Variants in FOXN1 observed in about 807,000 individuals in gnomAD.
FOXN1 encodes the protein forkhead box protein N1.
FOXN1 carries 15 observed loss-of-function variants against 49.0 expected under a neutral mutation model. The ratio of observed to expected loss-of-function variants is 0.31; its 90% CI spans 0.20 to 0.47. The LOEUF (loss-of-function observed/expected upper bound fraction) is 0.47. Among genes scored for constraint, FOXN1 ranks in the 20% least tolerant of loss-of-function variants. The probability of loss-of-function intolerance (pLI) is 1.00; values close to 1 mark genes in which losing one functional copy is unlikely to be tolerated. For synonymous variants in FOXN1, 356 were observed against 369.0 expected, an observed-to-expected ratio of 0.96 and a Z score of 0.40; for missense variants, 800 against 842.8, an observed-to-expected ratio of 0.95 and a Z score of 0.63.
chr17:28,516,751 A>T (rs2069514131), intron 1 of FOXN1, among the ~76,000 whole-genome samples: 3 of 140,052 alleles, frequency 2.1e-5, no homozygotes, highest in East Asian at 2.2e-4. Flanking sequence ...ACACTTCCAC[A>T]GGGTACACAC....
At chr17:28,510,633 C>T (rs2069376270) in intron 1 of FOXN1, among the ~76,000 whole-genome samples, 1 of 151,222 alleles carries the variant, frequency 6.6e-6, no homozygotes, top group South Asian at 2.1e-4. Context: ...ATCAGAAAAC[C>T]CAATTATCAG....
intron 8 of FOXN1, among the ~76,000 whole-genome samples, chr17:28,536,537 A>G (rs2070068294): frequency 6.6e-6 from 1 of 152,158 alleles, no homozygotes; most frequent in South Asian, 2.1e-4. Flanking sequence ...CTCTCTCTCC[A>G]GAGCTTGCAG....
intron 1 of FOXN1, among the ~76,000 whole-genome samples, chr17:28,506,686 G>C (rs782543410): frequency 4.1e-4 from 62 of 152,112 alleles, no homozygotes; most frequent in Non-Finnish European, 2.1e-4. Flanking sequence ...GCTGTGGTGT[G>C]GGTCTCATTC....
chr17:28,534,638 G>A lies in FOXN1; in HGVS notation c.1136-69G>A. ...AGAATGAGGCAAGGCCCCGAGTAAG[G>A]GTTCCAGTCTGGGGAAGACTGTGGA... On this transcript the variant is annotated intron_variant, in intron 7 of 8. Transcript: ENST00000579795. The surrounding 1 kb of genome is among the most constrained non-coding windows in gnomAD (Gnocchi z 4.1). 6.2e-7 allele frequency: 1 copy of A among 1,609,108 alleles called. No homozygotes were observed. The highest frequency in any genetic ancestry group is 8.5e-7 in the Non-Finnish European group (1 of 1,177,662).
At chr17:28,532,538 CG>C (rs2069938208) in intron 6 of FOXN1, among the ~76,000 whole-genome samples, 1 of 152,206 alleles carries the variant, frequency 6.6e-6, no homozygotes, top group Non-Finnish European at 1.5e-5. Context: ...GGGTCAGATC[CG>C]TTGGCACATA....
Position 28,537,296 on chromosome 17 carries a change from G to T in FOXN1, c.1807G>T (p.Gly603Cys). Residue 603 changes from glycine to cysteine, a missense_variant, in exon 9 of 9, where the codon GGT (glycine) becomes TGT (cysteine). This residue lies in a region of FOXN1 where 344 missense variants were observed against 366.1 expected (regional missense o/e 0.94). Transcript: ENST00000579795. ...GAGDLAAPGS[G>C]GSGALGDLHL... ...AGGTGACTTGGCAGCCCCGGGCAGTGGTGGCTCCGGGGCACTGGGTGACCT... is the reference window on the plus strand; with the variant it reads ...AGGTGACTTGGCAGCCCCGGGCAGTTGTGGCTCCGGGGCACTGGGTGACCT... The T allele has an allele frequency of 2.5e-6, 4 of 1,613,866 alleles. No homozygotes were observed. Among genetic ancestry groups the T allele is most frequent in the Non-Finnish European group, 3.4e-6 (4 of 1,179,916 alleles).
intron 1 of FOXN1, among the ~76,000 whole-genome samples, chr17:28,512,411 C>G (rs1311818824): frequency 6.6e-6 from 1 of 152,210 alleles, no homozygotes; most frequent in Non-Finnish European, 1.5e-5. Flanking sequence ...CTGAGTGGTT[C>G]TAGGCCACCT....
At chr17:28,517,451 CAGGGTACACACCTCCAT>C (rs1427549531) in intron 1 of FOXN1, among the ~76,000 whole-genome samples, 6 of 150,938 alleles carry the variant, frequency 4.0e-5, no homozygotes, top group Non-Finnish European at 5.9e-5. Flanking sequence ...CACACCTCCA[CAGGGTACACACCTCCAT>C]AGGGTACACA....
At chr17:28,521,120 G>A (rs1039762212) in intron 1 of FOXN1, among the ~76,000 whole-genome samples, 5 of 152,234 alleles carry the variant, frequency 3.3e-5, no homozygotes, top group Non-Finnish European at 7.3e-5. Flanking sequence ...CTGCGAGGTG[G>A]GTCTGTGTGC....
intron 8 of FOXN1, 120 bp downstream of exon 8, chr17:28,535,318 T>A: frequency 9.0e-7 from 1 of 1,105,696 alleles, no homozygotes. Context: ...TCTGGTCAAC[T>A]GAAGCAGAGG....
intron 2 of FOXN1, 109 bp from the exon 3 acceptor site, chr17:28,524,394 C>T: frequency 9.9e-7 from 1 of 1,010,596 alleles, no homozygotes; most frequent in African/African-American, 1.6e-5. Context: ...AGGGTCTTCC[C>T]AGAGCTCAGC....
chr17:28,532,248 G>A (rs2069933239), intron 6 of FOXN1, among the ~76,000 whole-genome samples: 1 of 152,218 alleles, frequency 6.6e-6, no homozygotes, highest in Non-Finnish European at 1.5e-5. Flanking sequence ...TGGGGCTGAG[G>A]AGTGAAGAGG....
intron 1 of FOXN1, among the ~76,000 whole-genome samples, chr17:28,523,611 A>G (rs967331096): frequency 3.9e-5 from 6 of 152,170 alleles, no homozygotes; most frequent in Admixed American, 1.3e-4. Context: ...AGCCAGAGGC[A>G]GAGCCCAGCT....
intron 1 of FOXN1, among the ~76,000 whole-genome samples, chr17:28,511,358 C>A (rs1390367450): frequency 6.6e-6 from 1 of 152,140 alleles, no homozygotes; most frequent in Admixed American, 6.5e-5. Flanking sequence ...ATGTGAGAGG[C>A]CCCTGGCCCA....
chr17:28,521,875 C>T (rs1019844747), intron 1 of FOXN1, among the ~76,000 whole-genome samples: 9 of 152,360 alleles, frequency 5.9e-5, no homozygotes, highest in African/African-American at 1.4e-4. Context: ...GCCAATGAGG[C>T]CACCTCTCCC....
rs147509086 is a variant in FOXN1 at position 28,538,492 on chromosome 17, T to TA, written c.*1057dup. The TA allele has an allele frequency of 1.3e-5, 2 of 152,240 alleles. No individual in the cohort carries two copies. Among genetic ancestry groups the TA allele is most frequent in the African/African-American group, 4.8e-5 (2 of 41,458 alleles). The allele number at this position is 152,240 out of a possible 1,614,324, so 9.4% of individuals were successfully genotyped here. On this transcript the variant is annotated 3_prime_UTR_variant, in exon 9 of 9. Coordinates refer to ENST00000579795, the MANE Select transcript of FOXN1 (RefSeq NM_001369369.1). ...CGAAAGTCAAAAACCACTTTCGACT[T>TA]ACGATGTTTCCCACTCACGATGGGT...
intron 5 of FOXN1, among the ~76,000 whole-genome samples, chr17:28,530,221 GA>G (rs914407141): frequency 2.2e-4 from 33 of 151,888 alleles, no homozygotes; most frequent in African/African-American, 8.0e-4. Flanking sequence ...AGATTCAAAA[GA>G]AAAAAATGTC....
intron 6 of FOXN1, among the ~76,000 whole-genome samples, chr17:28,533,043 C>T (rs1400927990): frequency 6.6e-6 from 1 of 152,170 alleles, no homozygotes; most frequent in Non-Finnish European, 1.5e-5. Flanking sequence ...AGCAACCTGC[C>T]CCAGGCCAGC....
At chr17:28,513,555 C>G (rs773565924) in intron 1 of FOXN1, among the ~76,000 whole-genome samples, 1 of 152,238 alleles carries the variant, frequency 6.6e-6, no homozygotes, top group Non-Finnish European at 1.5e-5. Context: ...AGAGGTCAGG[C>G]TCTAGTTGGC....
Sources: gnomAD v4.1 joint callset for allele counts (sites outside exome capture counted in the v4.1 genomes callset) on GRCh38, gnomAD v4.1.1 for gene constraint, gnomAD v4.1.1 regional missense constraint, Gnocchi (gnomAD v3.1) non-coding constraint, MANE v1.5 for transcripts, NCBI Gene and HGNC (gene_info 2026-07-23, HGNC 2026-07-21) for gene names.